The following BICRAL variants were observed in gnomAD, a reference collection of about 807,000 sequenced individuals.
The protein encoded by BICRAL is BRD4-interacting chromatin-remodeling complex-associated protein-like.
Under a neutral mutation model 91.8 loss-of-function variants are expected in BICRAL, and 8 were observed. The ratio of observed to expected loss-of-function variants is 0.09; its 90% CI spans 0.05 to 0.16. The LOEUF (loss-of-function observed/expected upper bound fraction) is 0.16, where lower values mean the gene tolerates loss of function less well. Ranked by LOEUF, BICRAL falls within the 10% of genes least tolerant of loss-of-function variation. BICRAL has a pLI of 1.00. For synonymous variants in BICRAL, 445 were observed against 491.1 expected (o/e 0.91, Z 1.24); for missense variants, 1,038 against 1,310.9 (o/e 0.79, Z 3.21).
intron 1 of BICRAL, among the ~76,000 whole-genome samples, chr6:42,750,001 C>G (rs1367931070): frequency 6.6e-6 from 1 of 151,814 alleles, no homozygotes; most frequent in Non-Finnish European, 1.5e-5. Context: ...ATTACAGGTG[C>G]CCACCACCAC....
intron 1 of BICRAL, among the ~76,000 whole-genome samples, chr6:42,789,790 G>A (rs1368006016): frequency 6.6e-6 from 1 of 152,100 alleles, no homozygotes; most frequent in Non-Finnish European, 1.5e-5. Flanking sequence ...CAAGCTTGAG[G>A]GTGCATAAGT....
rs764752013 is a variant in BICRAL at position 42,860,378 on chromosome 6, T to C, written c.2349+22T>C. 11 of 1,428,054 alleles carry C rather than the reference T, an allele frequency of 7.7e-6. No individual in the cohort carries two copies. The African/African-American group carries it at 1.4e-4, about 18-fold the overall frequency. 88.5% of individuals were successfully genotyped at this position (1,428,054 alleles called of 1,614,324 possible). A position where few individuals can be genotyped will look rare whatever the true frequency, so the allele number is the denominator to read the frequency against. On this transcript the variant is annotated intron_variant, in intron 11 of 12. Coordinates refer to ENST00000314073, the MANE Select transcript of BICRAL (RefSeq NM_001393499.1). ...CATGGTAAAAGTCATGCTACTGATA[T>C]TTGTTCTTTAAAACTTTACAGGTCA...
chr6:42,865,614 T>A lies in BICRAL; in HGVS notation c.*168T>A. On this transcript the variant is annotated 3_prime_UTR_variant, in exon 13 of 13. Coordinates refer to ENST00000314073, the MANE Select transcript of BICRAL (RefSeq NM_001393499.1). The stretch of plus-strand genomic sequence containing the variant: ...TCTAATCTCAATCCTGTTCTTTGTT[T>A]AAGAGCAATACTTGTCGTGATTACA... 1.7e-6 allele frequency: 1 copy of A among 594,402 alleles called. No individual in the cohort carries two copies. Among genetic ancestry groups the A allele is most frequent in the Non-Finnish European group, 3.0e-6 (1 of 332,758 alleles). 36.8% of individuals were successfully genotyped at this position (594,402 alleles called of 1,614,324 possible).
chr6:42,860,120 AAGC>A, intron 10 of BICRAL, 139 bp from the exon 11 acceptor site: 4 of 592,072 alleles, frequency 6.8e-6, no homozygotes, highest in Non-Finnish European at 1.2e-5. Context: ...AGCCGGGGAA[AAGC>A]TCATCTAAGA....
At chr6:42,816,495 C>T (rs1016191182) in intron 2 of BICRAL, among the ~76,000 whole-genome samples, 2 of 151,996 alleles carry the variant, frequency 1.3e-5, no homozygotes, top group South Asian at 2.1e-4. Context: ...GGCACGATCA[C>T]GGCTCACTGC....
At position 42,830,127 on chromosome 6, in the gene BICRAL, C is replaced by T. The variant is rs1189158131; in HGVS notation, c.1794C>T (p.Phe598=). The T allele has an allele frequency of 6.2e-7, 1 of 1,613,996 alleles. No homozygotes were observed. The highest frequency in any genetic ancestry group is 8.5e-7 in the Non-Finnish European group (1 of 1,179,844). ...CTTCTTCCAAGTCTACCAGCACCTT[C>T]AGTAACACACCTGGAACAGGAACCC... ...PVSSSKSTST[F]SNTPGTGTQQ... Residue 598 remains phenylalanine (F), a synonymous_variant, in exon 6 of 13, where the codon TTC becomes TTT. Coordinates refer to ENST00000314073, the MANE Select transcript of BICRAL (RefSeq NM_001393499.1).
intron 1 of BICRAL, among the ~76,000 whole-genome samples, chr6:42,751,845 C>T (rs1412702778): frequency 6.6e-6 from 1 of 151,744 alleles, no homozygotes; most frequent in African/African-American, 2.4e-5. Context: ...TTAGTAGAGA[C>T]GGGGTTTCTC....
At chr6:42,767,039 CAAAA>C (rs575028938) in intron 1 of BICRAL, among the ~76,000 whole-genome samples, 4 of 91,216 alleles carry the variant, frequency 4.4e-5, no homozygotes, top group Non-Finnish European at 6.7e-5. Context: ...GACTCCATCT[CAAAA>C]AAAAAAAAAA....
At chr6:42,796,685 T>C (rs1007131250) in intron 1 of BICRAL, among the ~76,000 whole-genome samples, 2 of 152,060 alleles carry the variant, frequency 1.3e-5, no homozygotes, top group Middle Eastern at 3.2e-3. Flanking sequence ...TGGTACATGT[T>C]GGATTCTGGA....
chr6:42,750,054 G>A (rs1022925259), intron 1 of BICRAL, among the ~76,000 whole-genome samples: 6 of 151,646 alleles, frequency 4.0e-5, no homozygotes, highest in Admixed American at 2.6e-4. Context: ...TAGTAGAGGC[G>A]GGGTTTCACT....
At chr6:42,814,220 A>G (rs1418710104) in intron 2 of BICRAL, among the ~76,000 whole-genome samples, 1 of 129,584 alleles carries the variant, frequency 7.7e-6, no homozygotes, top group East Asian at 2.2e-4. Flanking sequence ...GGTATCTCGT[A>G]TTGGCTCTTG....
intron 1 of BICRAL, among the ~76,000 whole-genome samples, chr6:42,765,771 CAG>C (rs1331451296): frequency 2.0e-5 from 3 of 151,950 alleles, no homozygotes; most frequent in African/African-American, 7.3e-5. Context: ...TACAGGCTGT[CAG>C]GGATCAAGGC....
intron 1 of BICRAL, among the ~76,000 whole-genome samples, chr6:42,756,885 GCT>G (rs1317096649): frequency 7.8e-5 from 11 of 141,666 alleles, no homozygotes; most frequent in Non-Finnish European, 1.7e-4. Context: ...TCGCGCGCGC[GCT>G]CTCTCTCTCT....
intron 5 of BICRAL, 96 bp downstream of exon 5, chr6:42,823,099 C>G: frequency 1.4e-6 from 1 of 711,400 alleles, no homozygotes; most frequent in Non-Finnish European, 2.5e-6. Context: ...CATGAGAATC[C>G]TTACCTTGTC....
intron 2 of BICRAL, among the ~76,000 whole-genome samples, chr6:42,811,429 T>C (rs1382810483): frequency 6.6e-6 from 1 of 152,112 alleles, no homozygotes; most frequent in Non-Finnish European, 1.5e-5. Flanking sequence ...GAGACCATCC[T>C]AGCCAACATG....
chr6:42,783,955 C>G (rs1335200931), intron 1 of BICRAL, among the ~76,000 whole-genome samples: 1 of 152,122 alleles, frequency 6.6e-6, no homozygotes, highest in African/African-American at 2.4e-5. Flanking sequence ...TAGAGTCCAA[C>G]CAGGTTACAA....
At chr6:42,814,557 T>C (rs1279145209) in intron 2 of BICRAL, among the ~76,000 whole-genome samples, 1 of 142,012 alleles carries the variant, frequency 7.0e-6, no homozygotes, top group Non-Finnish European at 1.5e-5. Context: ...AGTCTTGGTC[T>C]GTTACCCAGG....
chr6:42,761,240 A>T (rs2113832053), intron 1 of BICRAL, among the ~76,000 whole-genome samples: 1 of 152,216 alleles, frequency 6.6e-6, no homozygotes, highest in Non-Finnish European at 1.5e-5. Context: ...GGATCACCTG[A>T]GGCCAGGAGT....
chr6:42,787,758 T>C (rs940642266), intron 1 of BICRAL, among the ~76,000 whole-genome samples: 1 of 152,098 alleles, frequency 6.6e-6, no homozygotes, highest in Non-Finnish European at 1.5e-5. Context: ...CCAAGCCACA[T>C]TGGGATGCTT....
Sources: allele counts gnomAD v4.1 joint callset (sites outside exome capture counted in the v4.1 genomes callset), GRCh38; gene constraint gnomAD v4.1.1; transcripts MANE v1.5; gene names NCBI Gene and HGNC (gene_info 2026-07-23, HGNC 2026-07-21).